The following PGAP2 variants were observed in gnomAD, a reference collection of about 807,000 sequenced individuals.
PGAP2 encodes the protein acyltransferase PGAP2.
PGAP2 carries 21 observed loss-of-function variants against 33.2 expected under a neutral mutation model. That is an observed-to-expected ratio of 0.63 (90% CI 0.45 to 0.91). PGAP2 has a LOEUF of 0.91. Among genes scored for constraint, PGAP2 ranks in the 40% least tolerant of loss-of-function variants. The pLI is 0.00. For missense variants in PGAP2, 345 were observed against 424.0 expected (o/e 0.81, Z 1.64); for synonymous variants, 161 against 172.9 (o/e 0.93, Z 0.54).
At chr11:3,801,218 A>C (rs561885123) in intron 1 of PGAP2, among the ~76,000 whole-genome samples, 51 of 152,334 alleles carry the variant, frequency 3.3e-4, no homozygotes, top group Admixed American at 2.0e-4. Flanking sequence ...CTTTTGTATA[A>C]AATGGGGATA....
intron 5 of PGAP2, 193 bp downstream of exon 5, chr11:3,824,569 T>C (rs11601981): frequency 2.4e-6 from 2 of 830,792 alleles, no homozygotes; most frequent in East Asian, 5.3e-5. Flanking sequence ...TATAGCACTG[T>C]GTTTGGGTAG....
At position 3,811,461 on chromosome 11, in the gene PGAP2, C is replaced by G; in HGVS notation, c.165+37C>G. 1 of 1,564,074 alleles carries G rather than the reference C, an allele frequency of 6.4e-7. No individual in the cohort carries two copies. On this transcript the variant is annotated intron_variant, in intron 2 of 6. Transcript: ENST00000278243. This position sits in a 1 kb window ranked among gnomAD's most constrained non-coding sequence, Gnocchi z 4.6. Reference sequence around the variant, plus strand: ...GGACACTGATACCTCATATTCAGGCCGATCTGGATCTTCTTTAGATCTTGA... The same window carrying G: ...GGACACTGATACCTCATATTCAGGCGGATCTGGATCTTCTTTAGATCTTGA...
chr11:3,806,359 C>T (rs754822611), upstream of PGAP2, among the ~76,000 whole-genome samples: 4 of 151,992 alleles, frequency 2.6e-5, no homozygotes, highest in Non-Finnish European at 5.9e-5. Flanking sequence ...TCCATTTGTC[C>T]TGGGACCTTA....
intron 2 of PGAP2, among the ~76,000 whole-genome samples, chr11:3,812,952 T>C (rs2085915718): frequency 6.6e-6 from 1 of 152,206 alleles, no homozygotes; most frequent in South Asian, 2.1e-4. Flanking sequence ...TTTTGTGACC[T>C]AGTACATGAC....
rs537244753 is a variant in PGAP2, at chr11:3,815,297, A to AGTCTGTCTTC, written c.166-2055_166-2046dup. ...AAGAAGACAGTAATGAGGGGCCTTG[A>AGTCTGTCTTC]GTCTGTCTTCTTCTTTTTTTTTTTT... On this transcript the variant is annotated intron_variant, in intron 2 of 6. Coordinates refer to ENST00000278243, the MANE Select transcript of PGAP2 (RefSeq NM_014489.4). Among the ~76,000 whole-genome samples, 8 of 148,652 alleles carry AGTCTGTCTTC rather than the reference A, an allele frequency of 5.4e-5. No individual in the cohort carries two copies. The South Asian group carries it at 1.7e-3, about 32-fold the overall frequency.
intron 1 of PGAP2, among the ~76,000 whole-genome samples, chr11:3,801,135 C>CAA (rs34122688): frequency 9.5e-4 from 140 of 147,064 alleles, no homozygotes; most frequent in Middle Eastern, 3.5e-3. Flanking sequence ...AGTCTGTCTT[C>CAA]AAAAAAAAAA....
chr11:3,809,486 C>T (rs994084271), intron 1 of PGAP2, among the ~76,000 whole-genome samples: 7 of 152,216 alleles, frequency 4.6e-5, no homozygotes, highest in African/African-American at 1.7e-4. Flanking sequence ...TGAACCTCCT[C>T]ATCAACTCCT....
chr11:3,800,181 C>G (rs1366549735), intron 1 of PGAP2, among the ~76,000 whole-genome samples: 3 of 152,182 alleles, frequency 2.0e-5, no homozygotes, highest in African/African-American at 7.2e-5. Flanking sequence ...ACTCCCTTGC[C>G]TTTGCTGGAC....
At chr11:3,821,725 T>C (rs2088687187) in intron 3 of PGAP2, among the ~76,000 whole-genome samples, 1 of 149,604 alleles carries the variant, frequency 6.7e-6, no homozygotes. Flanking sequence ...GCCACTGCAC[T>C]CCAACCTGAG....
chr11:3,808,330 T>A (rs1022415886), upstream of PGAP2: 30 of 1,551,254 alleles, frequency 1.9e-5, no homozygotes, highest in Non-Finnish European at 2.5e-5. Flanking sequence ...GGCGACAAGG[T>A]GGCTTATCCA....
intron 3 of PGAP2, among the ~76,000 whole-genome samples, chr11:3,822,056 C>T (rs574723753): frequency 2.4e-4 from 36 of 151,504 alleles, no homozygotes; most frequent in African/African-American, 7.0e-4. Context: ...GAGACCCTGT[C>T]TCCAAAAACA....
upstream of PGAP2, chr11:3,808,235 A>G: frequency 6.5e-7 from 1 of 1,542,704 alleles, no homozygotes; most frequent in Non-Finnish European, 8.8e-7. Flanking sequence ...GGCAGGAGAG[A>G]CGGGCGGATG....
upstream of PGAP2, among the ~76,000 whole-genome samples, chr11:3,807,312 T>TG (rs1337636798): frequency 3.8e-3 from 519 of 136,698 alleles, 3 homozygotes; most frequent in African/African-American, 0.014. Flanking sequence ...TTCACAGGTT[T>TG]TTTTTTTTTT....
upstream of PGAP2, among the ~76,000 whole-genome samples, chr11:3,805,736 G>T (rs1468236093): frequency 6.6e-6 from 1 of 151,556 alleles, no homozygotes. Context: ...CTTCAGGCTG[G>T]AGTGCAGTGG....
intron 1 of PGAP2, among the ~76,000 whole-genome samples, chr11:3,801,457 A>G (rs899736818): frequency 5.3e-5 from 8 of 151,450 alleles, no homozygotes; most frequent in Non-Finnish European, 1.2e-4. Context: ...CCTGGCTAAC[A>G]TGGTGAAACC....
At chr11:3,803,129 G>A (rs2083740173) in intron 1 of PGAP2, among the ~76,000 whole-genome samples, 1 of 151,858 alleles carries the variant, frequency 6.6e-6, no homozygotes, top group Non-Finnish European at 1.5e-5. Context: ...GAGTAGCTGG[G>A]ACTGCAGGCA....
In PGAP2 at chr11:3,808,601, G is replaced by A; in HGVS notation, c.-61G>A. On this transcript the variant is annotated 5_prime_UTR_variant, in exon 1 of 7. Coordinates refer to ENST00000278243, the MANE Select transcript of PGAP2 (RefSeq NM_014489.4). ...GCCCGCAGAGCCAGCCCCCGACCCC[G>A]GGCCACCTGGGCCCCCGGGTTCCGC... The A allele has an allele frequency of 7.5e-7, 1 of 1,333,150 alleles. No homozygotes were observed. Among genetic ancestry groups the A allele is most frequent in the Non-Finnish European group, 9.6e-7 (1 of 1,041,638 alleles). The allele number at this position is 1,333,150 out of a possible 1,614,324, so 82.6% of individuals were successfully genotyped here.
chr11:3,825,469 C>T lies in PGAP2; in HGVS notation c.*11C>T, dbSNP rs1672625287. On this transcript the variant is annotated 3_prime_UTR_variant, in exon 7 of 7. Transcript: ENST00000278243. ...GAAAAGCGATTCTGAACCCTTCAGT[C>T]CTGCTTGGGAGGACGCAGCCCACTG... The T allele has an allele frequency of 1.9e-6, 3 of 1,611,238 alleles. No homozygotes were observed. Among genetic ancestry groups the T allele is most frequent in the Non-Finnish European group, 2.5e-6 (3 of 1,179,240 alleles).
intron 3 of PGAP2, among the ~76,000 whole-genome samples, chr11:3,821,234 C>G (rs1565042255): frequency 6.6e-6 from 1 of 152,102 alleles, no homozygotes; most frequent in South Asian, 2.1e-4. Context: ...TATGAGCCGC[C>G]TGCAGCATTG....
Sources: allele counts gnomAD v4.1 joint callset (sites outside exome capture counted in the v4.1 genomes callset), GRCh38; gene constraint gnomAD v4.1.1; non-coding constraint Gnocchi (gnomAD v3.1); transcripts MANE v1.5; gene names NCBI Gene and HGNC (gene_info 2026-07-23, HGNC 2026-07-21).